Variants in SLC22A11 observed in about 807,000 individuals in gnomAD.
SLC22A11 encodes the protein organic anion transporter 4.
A neutral mutation model predicts 49.4 loss-of-function variants in SLC22A11; 42 were observed. The ratio of observed to expected loss-of-function variants is 0.85; its 90% CI spans 0.66 to 1.10. The LOEUF (loss-of-function observed/expected upper bound fraction) is 1.10, where lower values mean the gene tolerates loss of function less well. Among genes scored for constraint, SLC22A11 ranks in the 50% least tolerant of loss-of-function variants. The pLI is 0.00. For missense variants in SLC22A11, 685 were observed against 731.6 expected, an observed-to-expected ratio of 0.94 and a Z score of 0.74; for synonymous variants, 304 against 315.8, an observed-to-expected ratio of 0.96 and a Z score of 0.40.
Position 64,569,647 on chromosome 11 carries a change from C to A in SLC22A11, c.1383-5C>A, listed in dbSNP as rs889694146. 1 of 1,612,102 alleles carries A rather than the reference C, an allele frequency of 6.2e-7. No homozygotes were observed. Among genetic ancestry groups the A allele is most frequent in the East Asian group, 2.2e-5 (1 of 44,866 alleles). ...AGGGATCTGGGCCCTCCCCTTCACC[C>A]ACAGGATGACAGCAGATGGCATTCT... On this transcript the variant is annotated splice_polypyrimidine_tract_variant and splice_region_variant and intron_variant, in intron 8 of 9. Transcript: ENST00000301891.
chr11:64,564,169 G>A lies in SLC22A11; in HGVS notation c.822-139G>A. The A allele has an allele frequency of 9.0e-7, 1 of 1,115,814 alleles. No homozygotes were observed. The highest frequency in any genetic ancestry group is 1.3e-6 in the Non-Finnish European group (1 of 792,710). 69.1% of individuals were successfully genotyped at this position (1,115,814 alleles called of 1,614,324 possible). ...ACCGCTGGGGACTGCCAGGCTCCTG[G>A]CTGGGCAGCAGCGGCACAGAAGCAT... On this transcript the variant is annotated intron_variant, in intron 4 of 9. Coordinates refer to ENST00000301891, the MANE Select transcript of SLC22A11 (RefSeq NM_018484.4). This position sits in a 1 kb window ranked among gnomAD's most constrained non-coding sequence, Gnocchi z 4.2.
At chr11:64,568,809 C>T (rs1181391527) in intron 8 of SLC22A11, 31 bp downstream of exon 8, 1 of 1,586,808 alleles carries the variant, frequency 6.3e-7, no homozygotes, top group South Asian at 1.1e-5. Flanking sequence ...TGCCCCAGGG[C>T]CAGCAGGGCC....
At chr11:64,559,949 C>T (rs1382411805) in intron 2 of SLC22A11, among the ~76,000 whole-genome samples, 2 of 152,122 alleles carry the variant, frequency 1.3e-5, no homozygotes, top group South Asian at 2.1e-4. Context: ...GCTTCCAGAA[C>T]ATCCTCACTC....
In SLC22A11 at chr11:64,565,824, A is replaced by G. The variant is rs1783811; in HGVS notation, c.1058+487A>G. 0.71 allele frequency: 219,819 copies of G among 309,010 alleles called. 79,071 individuals are homozygous for G. Among genetic ancestry groups the G allele is most frequent in the African/African-American group, 0.84 (39,083 of 46,400 alleles). 19.1% of individuals were successfully genotyped at this position (309,010 alleles called of 1,614,324 possible). A position where few individuals can be genotyped will look rare whatever the true frequency, so the allele number is the denominator to read the frequency against. Reference sequence around the variant, plus strand: ...CCAGAGGGGTAAGGAACAAGCCCAAAATAATAGAGCCTGCATTGGAACCGG... The same window carrying G: ...CCAGAGGGGTAAGGAACAAGCCCAAGATAATAGAGCCTGCATTGGAACCGG... On this transcript the variant is annotated intron_variant, in intron 6 of 9. Transcript: ENST00000301891. The surrounding 1 kb of genome is among the most constrained non-coding windows in gnomAD (Gnocchi z 4.1).
rs762704505 is a variant in SLC22A11, at chr11:64,568,653, C to T, written c.1274-17C>T. On this transcript the variant is annotated splice_polypyrimidine_tract_variant and intron_variant, in intron 7 of 9. Transcript: ENST00000301891. ...CCTCCAGGGCAAACCCCACTCTCACCCCCTTCCTGTACCCAGATTTGCAGA... is the reference window on the plus strand; with the variant it reads ...CCTCCAGGGCAAACCCCACTCTCACTCCCTTCCTGTACCCAGATTTGCAGA... The T allele has an allele frequency of 6.2e-7, 1 of 1,610,658 alleles. No homozygotes were observed. The highest frequency in any genetic ancestry group is 8.5e-7 in the Non-Finnish European group (1 of 1,176,930).
rs939537348 is a variant in SLC22A11 at position 64,556,381 on chromosome 11, A to T, written c.382A>T (p.Ile128Phe). The change falls in exon 1 of 10, where the codon ATC becomes TTC. Residue 128 changes from isoleucine to phenylalanine, a missense_variant. By Grantham distance (21) the Ile-to-Phe change is conservative. Coordinates refer to ENST00000301891, the MANE Select transcript of SLC22A11 (RefSeq NM_018484.4). ...VYDRSVFTSTIVAKWDLVCSS... is the reference protein window; with the variant it reads ...VYDRSVFTSTFVAKWDLVCSS... ...TGACCGCAGCGTCTTCACCTCCACC[A>T]TCGTGGCCAAGGTAGGGCCTCCCCC... 4.3e-6 allele frequency: 7 copies of T among 1,610,870 alleles called. No homozygotes were observed. The African/African-American group carries it at 5.3e-5, about 12-fold the overall frequency.
In SLC22A11 at chr11:64,560,100, G is replaced by T. The variant is rs2038522095; in HGVS notation, c.497+862G>T. 2.0e-5 allele frequency among the ~76,000 whole-genome samples: 3 copies of T among 148,618 alleles called. No homozygotes were observed. In the South Asian group the frequency reaches 6.4e-4, roughly 32 times the overall value. ...ACTCCCCCAGCAGCCTCCATCGGAGGACACAGACCCCCAACCTGTGGGACC... is the reference window on the plus strand; with the variant it reads ...ACTCCCCCAGCAGCCTCCATCGGAGTACACAGACCCCCAACCTGTGGGACC... On this transcript the variant is annotated intron_variant, in intron 2 of 9. Transcript: ENST00000301891.
At chr11:64,556,774 G>A (rs1056585766) in intron 1 of SLC22A11, among the ~76,000 whole-genome samples, 2 of 152,132 alleles carry the variant, frequency 1.3e-5, no homozygotes, top group African/African-American at 2.4e-5. Context: ...AGGCCAGGGT[G>A]ACACACGTCA....
intron 1 of SLC22A11, 31 bp downstream of exon 1, chr11:64,556,423 C>A: frequency 6.2e-7 from 1 of 1,603,510 alleles, no homozygotes; most frequent in South Asian, 1.1e-5. Context: ...ACTCGAGTCC[C>A]GTCACCTTGG....
At chr11:64,569,626 A>C in intron 8 of SLC22A11, 26 bp from the exon 9 acceptor site, 1 of 1,605,242 alleles carries the variant, frequency 6.2e-7, no homozygotes, top group Non-Finnish European at 8.5e-7. Context: ...TGTTACAGGG[A>C]TCTGGGCCCT....
intron 1 of SLC22A11, among the ~76,000 whole-genome samples, chr11:64,558,837 C>T (rs2038500106): frequency 6.6e-6 from 1 of 152,156 alleles, no homozygotes; most frequent in Non-Finnish European, 1.5e-5. Context: ...ATTTTTCTAC[C>T]ACTTCTGCCC....
Position 64,555,996 on chromosome 11 carries a change from G to A in SLC22A11, c.-4G>A. On this transcript the variant is annotated 5_prime_UTR_variant, in exon 1 of 10. Transcript: ENST00000301891. ...CAGTCCGCTCAGCCGAGGCAGCTCT[G>A]TTCATGGCGTTCTCGAAGCTCTTGG... 2 of 1,603,086 alleles carry A rather than the reference G, an allele frequency of 1.2e-6. No individual in the cohort carries two copies. Among genetic ancestry groups the A allele is most frequent in the Non-Finnish European group, 1.7e-6 (2 of 1,177,016 alleles).
In SLC22A11 at chr11:64,565,077, C is replaced by T; in HGVS notation, c.943-145C>T. 1.6e-6 allele frequency: 1 copy of T among 636,080 alleles called. No individual in the cohort carries two copies. Among genetic ancestry groups the T allele is most frequent in the African/African-American group, 1.8e-5 (1 of 54,438 alleles). 39.4% of individuals were successfully genotyped at this position (636,080 alleles called of 1,614,324 possible). ...GAACCTTTTCTGCCCCATCCCCTCC[C>T]CTTCCCCTAGGGATCCAGCTTCCAG... On this transcript the variant is annotated intron_variant, in intron 5 of 9. Coordinates refer to ENST00000301891, the MANE Select transcript of SLC22A11 (RefSeq NM_018484.4). The surrounding 1 kb of genome is among the most constrained non-coding windows in gnomAD (Gnocchi z 4.1).
intron 6 of SLC22A11, 38 bp from the exon 7 acceptor site, chr11:64,567,561 C>A: frequency 6.3e-7 from 1 of 1,595,526 alleles, no homozygotes; most frequent in South Asian, 1.1e-5. Flanking sequence ...GCCCTCTCCC[C>A]GGCAGGGCAG....
In SLC22A11 at chr11:64,567,641, G is replaced by C. The variant is rs191573448; in HGVS notation, c.1101G>C (p.Leu367=). The part of the protein sequence containing the change: ...LISYYGLVFD[L]QSLGRDIFLL... ...CCTACTATGGGCTGGTCTTCGACCT[G>C]CAGAGCCTGGGCCGTGACATCTTCC... The change falls in exon 7 of 10, where the codon CTG becomes CTC. Residue 367 remains leucine, a synonymous_variant. Transcript: ENST00000301891. 3.1e-6 allele frequency: 5 copies of C among 1,614,100 alleles called. No individual in the cohort carries two copies. The highest frequency in any genetic ancestry group is 3.3e-4 in the Middle Eastern group (2 of 6,054).
Position 64,560,279 on chromosome 11 carries a change from G to A in SLC22A11, c.497+1041G>A, listed in dbSNP as rs115930391. 8.8e-3 allele frequency among the ~76,000 whole-genome samples: 1,340 copies of A among 151,938 alleles called. 19 individuals are homozygous for A. The highest frequency in any genetic ancestry group is 0.03 in the African/African-American group (1,250 of 41,386). On this transcript the variant is annotated intron_variant, in intron 2 of 9. Transcript: ENST00000301891. ...CTCACCAGGCAGGCTGCAACCCCTC[G>A]CAGGTGTCCTCTGCAGTGGCCGTCC... is the stretch of plus-strand genomic sequence containing the variant.
intron 2 of SLC22A11, among the ~76,000 whole-genome samples, chr11:64,561,777 C>A (rs1349115879): frequency 6.6e-6 from 1 of 151,992 alleles, no homozygotes; most frequent in Non-Finnish European, 1.5e-5. Context: ...TGGCCCCAAA[C>A]CCCATGTTCT....
chr11:64,560,901 C>G (rs1297869094), intron 2 of SLC22A11, among the ~76,000 whole-genome samples: 1 of 152,242 alleles, frequency 6.6e-6, no homozygotes, highest in Admixed American at 6.5e-5. Context: ...TCCCACCCAG[C>G]CTTGTCCTAC....
intron 2 of SLC22A11, among the ~76,000 whole-genome samples, chr11:64,560,662 C>T (rs534565099): frequency 6.6e-6 from 1 of 152,360 alleles, no homozygotes; most frequent in Admixed American, 6.5e-5. Flanking sequence ...TCCTTGCTTC[C>T]CTCATCACAG....
Sources: allele counts gnomAD v4.1 joint callset (sites outside exome capture counted in the v4.1 genomes callset), GRCh38; gene constraint gnomAD v4.1.1; non-coding constraint Gnocchi (gnomAD v3.1); transcripts MANE v1.5; gene names NCBI Gene and HGNC (gene_info 2026-07-23, HGNC 2026-07-21).